Variants in PRR15 observed in about 807,000 individuals in gnomAD.
PRR15 encodes proline rich 15.
A neutral mutation model predicts 3.0 loss-of-function variants in PRR15; 4 were observed. The observed-to-expected ratio is 1.34, with a 90% CI of 0.66 to 3.08. The LOEUF is 3.08. Ranked by LOEUF, PRR15 falls within the 30% of genes most tolerant of loss-of-function variation. PRR15 has a pLI of 0.01. For missense variants in PRR15, 200 were observed against 179.5 expected (o/e 1.11, Z -0.65); for synonymous variants, 82 against 79.8 (o/e 1.03, Z -0.14).
intron 1 of PRR15, among the ~76,000 whole-genome samples, chr7:29,564,908 T>A (rs1475435713): frequency 5.9e-5 from 9 of 152,316 alleles, no homozygotes; most frequent in African/African-American, 1.9e-4. Context: ...CCGCCTCCCG[T>A]AGGCGATCAG....
Position 29,566,439 on chromosome 7 carries a change from C to T in PRR15, c.110C>T (p.Pro37Leu). 5 of 1,605,678 alleles carry T rather than the reference C, an allele frequency of 3.1e-6. No individual in the cohort carries two copies. Among genetic ancestry groups the T allele is most frequent in the Non-Finnish European group, 4.2e-6 (5 of 1,176,484 alleles). ...GTGGGGGTGCCGCCTCCCGCCCAGC[C>T]CGCTCCCGGGGAGCCCACGCCACCT... ...AAVGVPPPAQ[P>L]APGEPTPPAP... is the part of the protein sequence containing the mutation. The change falls in exon 2 of 2, where the codon CCC (proline) becomes CTC (leucine). Residue 37 changes from proline to leucine, a missense_variant. Coordinates refer to ENST00000319694, the MANE Select transcript of PRR15 (RefSeq NM_175887.3).
rs1196092942 is a variant in PRR15 at position 29,566,662 on chromosome 7, G to A, written c.333G>A (p.Ala111=). ...TGCGCGCCACGCTGCTCCCGGAGGC[G>A]GGCAGGTCCCCGGAGGAGGCAGGCT... The part of the protein sequence containing the change: ...RKVRATLLPE[A]GRSPEEAGFP... The change falls in exon 2 of 2, where the codon GCG becomes GCA. Residue 111 remains alanine (A), a synonymous_variant. Coordinates refer to ENST00000319694, the MANE Select transcript of PRR15 (RefSeq NM_175887.3). The A allele has an allele frequency of 4.4e-6, 7 of 1,579,608 alleles. No homozygotes were observed. The highest frequency in any genetic ancestry group is 1.2e-5 in the South Asian group (1 of 86,518).
chr7:29,566,324 C>G lies in PRR15; in HGVS notation c.-6C>G, dbSNP rs1482067088. The G allele has an allele frequency of 6.2e-7, 1 of 1,603,834 alleles. No individual in the cohort carries two copies. Among genetic ancestry groups the G allele is most frequent in the Non-Finnish European group, 8.5e-7 (1 of 1,178,230 alleles). ...TGGGTGCCGGGAGCCCCTAGGCCCT[C>G]CGGCCATGGCCGACAGCGGCGATGC... is the stretch of plus-strand genomic sequence containing the variant. On this transcript the variant is annotated 5_prime_UTR_variant, in exon 2 of 2. Transcript: ENST00000319694.
Position 29,566,644 on chromosome 7 carries a change from C to T in PRR15, c.315C>T (p.Ala105=). 6.3e-7 allele frequency: 1 copy of T among 1,588,766 alleles called. No individual in the cohort carries two copies. Residue 105 remains alanine, a synonymous_variant, in exon 2 of 2, where the codon GCC becomes GCT. Coordinates refer to ENST00000319694, the MANE Select transcript of PRR15 (RefSeq NM_175887.3). ...GRFKEKRKVR[A]TLLPEAGRSP... The stretch of plus-strand genomic sequence containing the variant: ...TTAAGGAGAAGAGGAAAGTGCGCGC[C>T]ACGCTGCTCCCGGAGGCGGGCAGGT...
rs750211490 is a variant in PRR15, at chr7:29,566,549, C to G, written c.220C>G (p.Pro74Ala). 6.2e-7 allele frequency: 1 copy of G among 1,608,816 alleles called. No individual in the cohort carries two copies. Among genetic ancestry groups the G allele is most frequent in the African/African-American group, 1.3e-5 (1 of 74,912 alleles). The change falls in exon 2 of 2, where the codon CCA becomes GCA. Residue 74 changes from proline to alanine, a missense_variant. Pro to Ala is a conservative substitution (Grantham distance 27). Transcript: ENST00000319694. Reference sequence around the variant, plus strand: ...CGGGGGCGCCGGCGAGCCCCCCAAACCAGACAAGTTATACGGGGACAAATC... The same window carrying G: ...CGGGGGCGCCGGCGAGCCCCCCAAAGCAGACAAGTTATACGGGGACAAATC... Reference protein sequence around the residue: ...LLGGAGEPPKPDKLYGDKSGS... With the variant: ...LLGGAGEPPKADKLYGDKSGS...
rs1792898719 is a variant in PRR15, at chr7:29,566,237, G to A, written c.-93G>A. The A allele has an allele frequency of 7.3e-7, 1 of 1,376,240 alleles. No individual in the cohort carries two copies. Among genetic ancestry groups the A allele is most frequent in the Non-Finnish European group, 9.6e-7 (1 of 1,038,650 alleles). 85.3% of individuals were successfully genotyped at this position (1,376,240 alleles called of 1,614,324 possible). ...CGCAGCCCACGTGTGGCAAGCCGGG[G>A]AAGGGGTGGAGTGAACGGCCGGAGA... On this transcript the variant is annotated 5_prime_UTR_variant, in exon 2 of 2. Transcript: ENST00000319694.
intron 1 of PRR15, 38 bp from the exon 2 acceptor site, chr7:29,566,147 C>T (rs1583501342): frequency 2.8e-6 from 2 of 724,734 alleles, no homozygotes; most frequent in East Asian, 2.8e-5. Flanking sequence ...CACGTGACTT[C>T]AACCAACCCA....
rs1358712151 is a variant in PRR15, at chr7:29,566,294, C to T, written c.-36C>T. The T allele has an allele frequency of 1.3e-6, 2 of 1,573,804 alleles. No individual in the cohort carries two copies. The highest frequency in any genetic ancestry group is 1.8e-5 in the Admixed American group (1 of 55,210). ...GGAGAAAGGGGCCGCTTTGGCCCTT[C>T]CATCTGGGTGCCGGGAGCCCCTAGG... is the stretch of plus-strand genomic sequence containing the variant. On this transcript the variant is annotated 5_prime_UTR_variant, in exon 2 of 2. Coordinates refer to ENST00000319694, the MANE Select transcript of PRR15 (RefSeq NM_175887.3).
rs1220409341 is a variant in PRR15, at chr7:29,566,418, G to A, written c.89G>A (p.Gly30Glu). 3.7e-6 allele frequency: 6 copies of A among 1,609,108 alleles called. No homozygotes were observed. The Admixed American group carries it at 5.0e-5, about 13-fold the overall frequency. ...SRKKSKEAAV[G>E]VPPPAQPAPG... The stretch of plus-strand genomic sequence containing the variant: ...AAGAAAAGCAAGGAAGCCGCAGTGG[G>A]GGTGCCGCCTCCCGCCCAGCCCGCT... The change falls in exon 2 of 2, where the codon GGG (glycine) becomes GAG (glutamate). Residue 30 changes from glycine (G) to glutamate (E), a missense_variant. By Grantham distance (98) the Gly-to-Glu change is moderately conservative (BLOSUM62 -2). Transcript: ENST00000319694.
chr7:29,566,895 T>C lies in PRR15; in HGVS notation c.*176T>C. 2 of 626,574 alleles carry C rather than the reference T, an allele frequency of 3.2e-6. No homozygotes were observed. The highest frequency in any genetic ancestry group is 5.3e-6 in the Non-Finnish European group (2 of 374,448). 38.8% of individuals were successfully genotyped at this position (626,574 alleles called of 1,614,324 possible). On this transcript the variant is annotated 3_prime_UTR_variant, in exon 2 of 2. Transcript: ENST00000319694. ...CTGGAAATTGAAGTGTCAATTGGGT[T>C]CTCAATATTTCATGACTCCAAGGAT...
intron 1 of PRR15, 50 bp from the exon 2 acceptor site, chr7:29,566,135 G>C (rs1332968746): frequency 1.5e-6 from 1 of 649,556 alleles, no homozygotes; most frequent in Non-Finnish European, 2.6e-6. Flanking sequence ...GACTGGGGGG[G>C]GCACGTGACT....
Position 29,566,731 on chromosome 7 carries a change from T to G in PRR15, c.*12T>G, listed in dbSNP as rs998724402. ...AGGACAAGCAGTAGCCCCAATAGCCTGCGCGCTCCAGGACTGCCTACCCAG... is the reference window on the plus strand; with the variant it reads ...AGGACAAGCAGTAGCCCCAATAGCCGGCGCGCTCCAGGACTGCCTACCCAG... On this transcript the variant is annotated 3_prime_UTR_variant, in exon 2 of 2. Coordinates refer to ENST00000319694, the MANE Select transcript of PRR15 (RefSeq NM_175887.3). 3.2e-6 allele frequency: 5 copies of G among 1,540,262 alleles called. No homozygotes were observed. The highest frequency in any genetic ancestry group is 4.4e-6 in the Non-Finnish European group (5 of 1,141,522).
In PRR15 at chr7:29,566,452, G is replaced by C. The variant is rs765362555; in HGVS notation, c.123G>C (p.Glu41Asp). Residue 41 changes from glutamate (E) to aspartate (D), a missense_variant, in exon 2 of 2, where the codon GAG becomes GAC. Glu to Asp is a conservative substitution (Grantham distance 45, BLOSUM62 2). Transcript: ENST00000319694. Reference protein sequence around the residue: ...VPPPAQPAPGEPTPPAPPSPD... With the variant: ...VPPPAQPAPGDPTPPAPPSPD... ...CTCCCGCCCAGCCCGCTCCCGGGGAGCCCACGCCACCTGCGCCGCCCAGCC... is the reference window on the plus strand; with the variant it reads ...CTCCCGCCCAGCCCGCTCCCGGGGACCCCACGCCACCTGCGCCGCCCAGCC... 2.0e-5 allele frequency: 32 copies of C among 1,602,886 alleles called. No individual in the cohort carries two copies. Among genetic ancestry groups the C allele is most frequent in the Non-Finnish European group, 2.6e-5 (30 of 1,175,094 alleles).
Position 29,566,232 on chromosome 7 carries a change from C to G in PRR15, c.-98C>G. ...CACCCCGCAGCCCACGTGTGGCAAG[C>G]CGGGGAAGGGGTGGAGTGAACGGCC... On this transcript the variant is annotated 5_prime_UTR_variant, in exon 2 of 2. Coordinates refer to ENST00000319694, the MANE Select transcript of PRR15 (RefSeq NM_175887.3). 7.4e-7 allele frequency: 1 copy of G among 1,353,950 alleles called. No individual in the cohort carries two copies. The highest frequency in any genetic ancestry group is 9.8e-7 in the Non-Finnish European group (1 of 1,020,094). 83.9% of individuals were successfully genotyped at this position (1,353,950 alleles called of 1,614,324 possible).
chr7:29,564,568 T>C (rs540380493), intron 1 of PRR15, among the ~76,000 whole-genome samples, 191 bp downstream of exon 1: 17 of 152,316 alleles, frequency 1.1e-4, no homozygotes, highest in African/African-American at 4.1e-4. Context: ...GCGCAATTCG[T>C]ACAAAGCCCT....
Position 29,564,335 on chromosome 7 carries a change from C to T in PRR15, c.-188C>T, listed in dbSNP as rs1000070480. On this transcript the variant is annotated 5_prime_UTR_variant, in exon 1 of 2. Transcript: ENST00000319694. Reference sequence around the variant, plus strand: ...CGCGCCCCCTTCGTGCTCTCGGCCGCGTTCACCGCGCGAGGCCTCCGGGTC... The same window carrying T: ...CGCGCCCCCTTCGTGCTCTCGGCCGTGTTCACCGCGCGAGGCCTCCGGGTC... 2 of 152,298 alleles carry T rather than the reference C, an allele frequency of 1.3e-5. No individual in the cohort carries two copies. The highest frequency in any genetic ancestry group is 2.9e-5 in the Non-Finnish European group (2 of 68,138). The allele number at this position is 152,298 out of a possible 1,614,324, so 9.4% of individuals were successfully genotyped here.
chr7:29,564,699 G>C (rs1413196390), intron 1 of PRR15, among the ~76,000 whole-genome samples: 1 of 152,210 alleles, frequency 6.6e-6, no homozygotes, highest in East Asian at 1.9e-4. Context: ...TTGCTTTTCC[G>C]ATCTGCAAAG....
chr7:29,564,604 T>A (rs151131680), intron 1 of PRR15, among the ~76,000 whole-genome samples: 1 of 152,114 alleles, frequency 6.6e-6, no homozygotes. Context: ...TTGATGATTG[T>A]GAAGAAGAAA....
In PRR15 at chr7:29,566,511, A is replaced by C; in HGVS notation, c.182A>C (p.His61Pro). 6.2e-7 allele frequency: 1 copy of C among 1,602,640 alleles called. No individual in the cohort carries two copies. The highest frequency in any genetic ancestry group is 8.5e-7 in the Non-Finnish European group (1 of 1,174,914). Residue 61 changes from histidine (H) to proline (P), a missense_variant, in exon 2 of 2, where the codon CAC (histidine) becomes CCC (proline). Coordinates refer to ENST00000319694, the MANE Select transcript of PRR15 (RefSeq NM_175887.3). ...DWTSSSRENQ[H>P]PNLLGGAGEP... ...ACCAGCAGCTCCCGGGAGAACCAGC[A>C]CCCCAATCTCCTCGGGGGCGCCGGC...
Sources: gnomAD v4.1 joint callset for allele counts (sites outside exome capture counted in the v4.1 genomes callset) on GRCh38, gnomAD v4.1.1 for gene constraint, MANE v1.5 for transcripts, NCBI Gene and HGNC (gene_info 2026-07-23, HGNC 2026-07-21) for gene names.